Variants in CALU observed in about 807,000 individuals in gnomAD.
CALU encodes IEF SSP 9302.
Under a neutral mutation model 37.5 loss-of-function variants are expected in CALU, and 13 were observed. The observed-to-expected ratio is 0.35, with a 90% confidence interval of 0.23 to 0.55. The LOEUF (loss-of-function observed/expected upper bound fraction) is 0.55. Among genes scored for constraint, CALU ranks in the 20% least tolerant of loss-of-function variants. The pLI is 0.89. For missense variants in CALU, 282 were observed against 391.7 expected (o/e 0.72, Z 2.36); for synonymous variants, 114 against 133.8 (o/e 0.85, Z 1.02).
chr7:128,760,839 C>T (rs1190222141), intron 5 of CALU, among the ~76,000 whole-genome samples: 1 of 152,136 alleles, frequency 6.6e-6, no homozygotes, highest in Non-Finnish European at 1.5e-5. Flanking sequence ...ACCCAGGAGG[C>T]AGAGCTTGCA....
chr7:128,768,847 C>CAGAAAAAAAAAAAAAAAAAA (rs1801433499), intron 6 of CALU, among the ~76,000 whole-genome samples: 1 of 55,164 alleles, frequency 1.8e-5, no homozygotes, highest in Non-Finnish European at 3.2e-5. Flanking sequence ...AACTCCGTCT[C>CAGAAAAAAAAAAAAAAAAAA]AAAAAAAAAA....
In CALU at chr7:128,748,650, G is replaced by A. The variant is rs1237488994; in HGVS notation, c.67G>A (p.Glu23Lys). The A allele has an allele frequency of 4.3e-6, 7 of 1,614,088 alleles. No individual in the cohort carries two copies. The highest frequency in any genetic ancestry group is 1.3e-5 in the African/African-American group (1 of 74,926). The change falls in exon 2 of 7, where the codon GAA (glutamate) becomes AAA (lysine). Residue 23 changes from glutamate (E) to lysine (K), a missense_variant. Transcript: ENST00000249364. Reference protein sequence around the residue: ...CTAFALSKPTEKKDRVHHEPQ... With the variant: ...CTAFALSKPTKKKDRVHHEPQ... ...AGCCTTTGCCTTGAGCAAACCCACA[G>A]AAAAGAAGGACCGTGTACATCATGA...
intron 4 of CALU, among the ~76,000 whole-genome samples, 198 bp downstream of exon 4, chr7:128,759,235 C>T (rs970080792): frequency 2.0e-5 from 3 of 152,096 alleles, no homozygotes; most frequent in Non-Finnish European, 4.4e-5. Context: ...GATCAAGGTG[C>T]CTTGGGCATT....
chr7:128,767,116 G>T (rs952242233), intron 5 of CALU, among the ~76,000 whole-genome samples: 2 of 152,162 alleles, frequency 1.3e-5, no homozygotes, highest in Admixed American at 1.3e-4. Flanking sequence ...AAGTGGTCCC[G>T]TTTAATTAGC....
chr7:128,747,398 A>C (rs1800488235), intron 1 of CALU, among the ~76,000 whole-genome samples: 1 of 152,052 alleles, frequency 6.6e-6, no homozygotes, highest in Non-Finnish European at 1.5e-5. Flanking sequence ...CAGTAACAGT[A>C]CCTTATTTGA....
intron 1 of CALU, among the ~76,000 whole-genome samples, chr7:128,742,614 C>CACTATGG (rs1800281582): frequency 6.6e-6 from 1 of 152,178 alleles, no homozygotes; most frequent in African/African-American, 2.4e-5. Flanking sequence ...CCAATGGATA[C>CACTATGG]ACTATGGACA....
At chr7:128,758,159 A>G (rs986081342) in intron 3 of CALU, among the ~76,000 whole-genome samples, 3 of 151,718 alleles carry the variant, frequency 2.0e-5, no homozygotes, top group Non-Finnish European at 4.4e-5. Context: ...GTTAGTTTGC[A>G]TTTTCTAGAA....
chr7:128,742,799 A>G (rs1800289016), intron 1 of CALU, among the ~76,000 whole-genome samples: 1 of 152,166 alleles, frequency 6.6e-6, no homozygotes, highest in South Asian at 2.1e-4. Flanking sequence ...TCTCTTTATA[A>G]ATTACTGGAA....
intron 5 of CALU, among the ~76,000 whole-genome samples, chr7:128,766,361 A>T (rs567446212): frequency 6.6e-6 from 1 of 152,170 alleles, no homozygotes; most frequent in African/African-American, 2.4e-5. Context: ...TTGACATGCA[A>T]ACGAATTTAT....
chr7:128,749,969 G>A (rs975957057), intron 2 of CALU, among the ~76,000 whole-genome samples: 8 of 152,204 alleles, frequency 5.3e-5, no homozygotes, highest in African/African-American at 1.4e-4. Context: ...GCTCACGCCT[G>A]TAATCCCAGC....
intron 6 of CALU, among the ~76,000 whole-genome samples, chr7:128,768,847 C>CAAAAAAAAAAAACAAA (rs1801434173): frequency 1.8e-5 from 1 of 55,164 alleles, no homozygotes; most frequent in African/African-American, 8.7e-5. Context: ...AACTCCGTCT[C>CAAAAAAAAAAAACAAA]AAAAAAAAAA....
chr7:128,755,806 A>G (rs1484853144), intron 3 of CALU, among the ~76,000 whole-genome samples: 2 of 152,220 alleles, frequency 1.3e-5, no homozygotes, highest in Non-Finnish European at 2.9e-5. Context: ...GTATTAATAT[A>G]AATGAATATA....
intron 1 of CALU, among the ~76,000 whole-genome samples, chr7:128,746,516 C>G (rs1221860090): frequency 6.6e-6 from 1 of 151,838 alleles, no homozygotes; most frequent in East Asian, 1.9e-4. Context: ...TGCAGTGGTA[C>G]AATCTCAGCT....
At position 128,772,184 on chromosome 7, in the gene CALU, A is replaced by AAG. The variant is rs1554369199; in HGVS notation, c.*3018_*3019insGA. 2.0e-5 allele frequency among the ~76,000 whole-genome samples: 3 copies of AAG among 151,728 alleles called. No homozygotes were observed. The highest frequency in any genetic ancestry group is 7.3e-5 in the African/African-American group (3 of 41,314). ...AATGGATCCCCAGCAGGAAAAAAAA[A>AAG]AAAAGTTACTAAAAAGGAAAGTATC... is the stretch of plus-strand genomic sequence containing the variant. On this transcript the variant is annotated 3_prime_UTR_variant, in exon 7 of 7. Coordinates refer to ENST00000249364, the MANE Select transcript of CALU (RefSeq NM_001219.5).
Position 128,772,587 on chromosome 7 carries a change from T to G in CALU, c.*3420T>G. 1 of 1,614,210 alleles carries G rather than the reference T, an allele frequency of 6.2e-7. No individual in the cohort carries two copies. Among genetic ancestry groups the G allele is most frequent in the Non-Finnish European group, 8.5e-7 (1 of 1,180,032 alleles). On this transcript the variant is annotated 3_prime_UTR_variant, in exon 7 of 7. Transcript: ENST00000249364. ...GACGAGACAGTAGAAACTTCTGTTT[T>G]CTGGGAGCTGCATGTGTCGGATTCA...
chr7:128,762,794 G>A (rs1438625370), intron 5 of CALU, among the ~76,000 whole-genome samples: 2 of 152,064 alleles, frequency 1.3e-5, no homozygotes, highest in Non-Finnish European at 2.9e-5. Flanking sequence ...AGCCTCCTGA[G>A]TAGTTGGGAT....
chr7:128,766,425 CTTTTTTTTTTTTT>C (rs11288081), intron 5 of CALU, among the ~76,000 whole-genome samples: 2 of 95,010 alleles, frequency 2.1e-5, no homozygotes, highest in African/African-American at 4.4e-5. Flanking sequence ...ATTTCTTTTT[CTTTTTTTTTTTTT>C]TTTTTTTTGA....
rs1446127544 is a variant in CALU at position 128,771,860 on chromosome 7, A to G, written c.*2693A>G. 3 of 152,376 alleles carry G rather than the reference A, an allele frequency of 2.0e-5. No homozygotes were observed. The highest frequency in any genetic ancestry group is 4.4e-5 in the Non-Finnish European group (3 of 68,170). 9.4% of individuals were successfully genotyped at this position (152,376 alleles called of 1,614,324 possible). A position where few individuals can be genotyped will look rare whatever the true frequency, so the allele number is the denominator to read the frequency against. ...TAAAACATGCAAATTCATTTTGAGAACCTCGAGAGAATTAAACTATTAACT... is the reference window on the plus strand; with the variant it reads ...TAAAACATGCAAATTCATTTTGAGAGCCTCGAGAGAATTAAACTATTAACT... On this transcript the variant is annotated 3_prime_UTR_variant, in exon 7 of 7. Coordinates refer to ENST00000249364, the MANE Select transcript of CALU (RefSeq NM_001219.5).
chr7:128,769,614 T>C lies in CALU; in HGVS notation c.*447T>C, dbSNP rs1268752090. Reference sequence around the variant, plus strand: ...GGAGAGAGGAAAGAAAAAAAATATATGCTCCACAATTTATATTTAGAGAGA... The same window carrying C: ...GGAGAGAGGAAAGAAAAAAAATATACGCTCCACAATTTATATTTAGAGAGA... On this transcript the variant is annotated 3_prime_UTR_variant, in exon 7 of 7. Transcript: ENST00000249364. 1 of 153,016 alleles carries C rather than the reference T, an allele frequency of 6.5e-6. No individual in the cohort carries two copies. The highest frequency in any genetic ancestry group is 1.5e-5 in the Non-Finnish European group (1 of 68,456). 9.5% of individuals were successfully genotyped at this position (153,016 alleles called of 1,614,324 possible).
Sources: allele counts gnomAD v4.1 joint callset (sites outside exome capture counted in the v4.1 genomes callset), GRCh38; gene constraint gnomAD v4.1.1; transcripts MANE v1.5; gene names NCBI Gene and HGNC (gene_info 2026-07-23, HGNC 2026-07-21).